Variants in PDZRN3 observed in about 807,000 individuals in gnomAD.
The protein encoded by PDZRN3 is E3 ubiquitin-protein ligase PDZRN3.
Under a neutral mutation model 85.7 loss-of-function variants are expected in PDZRN3, and 38 were observed. The ratio of observed to expected loss-of-function variants is 0.44; its 90% CI spans 0.34 to 0.58. The LOEUF (loss-of-function observed/expected upper bound fraction) is 0.58, where lower values mean the gene tolerates loss of function less well. Among genes scored for constraint, PDZRN3 ranks in the 20% least tolerant of loss-of-function variants. The pLI, the probability that PDZRN3 is intolerant of heterozygous loss-of-function variation, is 0.01. For synonymous variants in PDZRN3, 759 were observed against 638.0 expected (o/e 1.19, Z -2.86); for missense variants, 1,629 against 1,506.4 (o/e 1.08, Z -1.35).
intron 3 of PDZRN3, among the ~76,000 whole-genome samples, chr3:73,560,178 C>T (rs1682644881): frequency 1.3e-5 from 2 of 152,170 alleles, no homozygotes; most frequent in Admixed American, 1.3e-4. Flanking sequence ...TCCCTGAAAA[C>T]CCTCAAGAGA....
intron 3 of PDZRN3, among the ~76,000 whole-genome samples, chr3:73,571,010 T>C (rs184086483): frequency 3.2e-3 from 484 of 152,346 alleles, no homozygotes; most frequent in Non-Finnish European, 4.7e-3. Context: ...ATCACCATCA[T>C]AGCTACCATG....
At chr3:73,393,138 A>G (rs2106698273) in intron 5 of PDZRN3, among the ~76,000 whole-genome samples, 1 of 152,156 alleles carries the variant, frequency 6.6e-6, no homozygotes, top group East Asian at 1.9e-4. Flanking sequence ...GCCCAGTGCT[A>G]CCCCTGCAGG....
At chr3:73,536,005 G>C (rs189551713) in intron 3 of PDZRN3, among the ~76,000 whole-genome samples, 63 of 152,238 alleles carry the variant, frequency 4.1e-4, no homozygotes, top group African/African-American at 1.5e-3. Flanking sequence ...ATTTAGACAG[G>C]TCCCCTTAAC....
intron 3 of PDZRN3, among the ~76,000 whole-genome samples, chr3:73,410,274 G>C (rs1177485582): frequency 2.0e-5 from 3 of 152,130 alleles, no homozygotes. Context: ...GAGAAGGGAA[G>C]GCAACTTATC....
chr3:73,465,386 TG>T (rs1703193212), intron 3 of PDZRN3, among the ~76,000 whole-genome samples: 1 of 152,238 alleles, frequency 6.6e-6, no homozygotes, highest in South Asian at 2.1e-4. Context: ...CTTATATAGA[TG>T]GTGCCAGAGG....
At chr3:73,403,206 G>A (rs772115369) in intron 4 of PDZRN3, among the ~76,000 whole-genome samples, 44 of 152,094 alleles carry the variant, frequency 2.9e-4, no homozygotes, top group Non-Finnish European at 2.9e-5. Context: ...TCGGCCTCCC[G>A]AAGTGCTGGG....
chr3:73,404,562 T>C, intron 3 of PDZRN3, 167 bp from the exon 4 acceptor site: 1 of 648,946 alleles, frequency 1.5e-6, no homozygotes, highest in Non-Finnish European at 2.6e-6. Context: ...GAATGCCTGG[T>C]GGAAAGAGAG....
At chr3:73,568,035 T>C (rs1307945889) in intron 3 of PDZRN3, among the ~76,000 whole-genome samples, 10 of 152,138 alleles carry the variant, frequency 6.6e-5, no homozygotes, top group Non-Finnish European at 1.5e-5. Flanking sequence ...TAACCTCCAA[T>C]AGAGAAATCA....
intron 2 of PDZRN3, among the ~76,000 whole-genome samples, chr3:73,606,792 T>C (rs1702605923): frequency 6.6e-6 from 1 of 152,246 alleles, no homozygotes; most frequent in Admixed American, 6.5e-5. Flanking sequence ...CATAATTAAG[T>C]TGTTGTTTCT....
At chr3:73,610,580 T>G (rs1324644061) in intron 1 of PDZRN3, among the ~76,000 whole-genome samples, 5 of 152,228 alleles carry the variant, frequency 3.3e-5, no homozygotes, top group Non-Finnish European at 5.9e-5. Flanking sequence ...TTTCTTACTT[T>G]GCTATCTTAA....
chr3:73,384,843 C>T lies in PDZRN3; in HGVS notation c.1723G>A (p.Asp575Asn). 4.3e-6 allele frequency: 7 copies of T among 1,614,186 alleles called. No homozygotes were observed. Among genetic ancestry groups the T allele is most frequent in the Non-Finnish European group, 5.9e-6 (7 of 1,180,042 alleles). ...CTCTCGTCATTACGGGTGCTCTCGTCGGTCCGCCCCACACCGCTGTCCTTC... is the reference window on the plus strand; with the variant it reads ...CTCTCGTCATTACGGGTGCTCTCGTTGGTCCGCCCCACACCGCTGTCCTTC... ...HEKDSGVGRT[D>N]ESTRNDESSE... The change falls in exon 10 of 10, where the codon GAC becomes AAC. Residue 575 changes from aspartate to asparagine, a missense_variant. Asp to Asn is a conservative substitution (Grantham distance 23, BLOSUM62 1). Transcript: ENST00000263666.
intron 3 of PDZRN3, among the ~76,000 whole-genome samples, chr3:73,508,966 G>A (rs908432701): frequency 4.6e-5 from 7 of 152,128 alleles, no homozygotes; most frequent in African/African-American, 1.2e-4. Flanking sequence ...GGCCTAAAAC[G>A]TCTCTGCAGC....
intron 3 of PDZRN3, among the ~76,000 whole-genome samples, chr3:73,575,887 T>G (rs1196042902): frequency 1.3e-5 from 2 of 152,168 alleles, no homozygotes; most frequent in Non-Finnish European, 2.9e-5. Flanking sequence ...GTAAGCCTCT[T>G]AACAAATGTA....
intron 3 of PDZRN3, among the ~76,000 whole-genome samples, chr3:73,423,675 G>T (rs895084988): frequency 6.6e-6 from 1 of 152,116 alleles, no homozygotes; most frequent in South Asian, 2.1e-4. Flanking sequence ...GATGAAGAAT[G>T]CTTTATATAT....
Position 73,393,531 on chromosome 3 carries a change from C to T in PDZRN3, c.1255-2415G>A, listed in dbSNP as rs183263562. 5.1e-3 allele frequency among the ~76,000 whole-genome samples: 780 copies of T among 152,200 alleles called. 12 individuals are homozygous for T. Among genetic ancestry groups the T allele is most frequent in the Non-Finnish European group, 5.2e-3 (357 of 68,016 alleles). On this transcript the variant is annotated intron_variant, in intron 5 of 9. Coordinates refer to ENST00000263666, the MANE Select transcript of PDZRN3 (RefSeq NM_015009.3). The stretch of plus-strand genomic sequence containing the variant: ...CCAGTTCAGGTGTTGGTGAACGCGT[C>T]GCAGATGGGGTGAGTTACACAGTCA...
chr3:73,399,182 C>T (rs1159155652), intron 5 of PDZRN3, among the ~76,000 whole-genome samples: 1 of 152,192 alleles, frequency 6.6e-6, no homozygotes, highest in African/African-American at 2.4e-5. Flanking sequence ...ATACCAAAGA[C>T]TACAAAGTCT....
rs867769801 is a variant in PDZRN3 at position 73,466,978 on chromosome 3, A to G, written c.919-62583T>C. 2.0e-5 allele frequency among the ~76,000 whole-genome samples: 3 copies of G among 152,194 alleles called. No homozygotes were observed. In the South Asian group the frequency reaches 6.2e-4, roughly 32 times the overall value. On this transcript the variant is annotated intron_variant, in intron 3 of 9. Transcript: ENST00000263666. The stretch of plus-strand genomic sequence containing the variant: ...GTTTGGGTAGATTCTAAAAAGGGGC[A>G]AAAATGGGTCCCCAGGAATTTATCC...
At chr3:73,620,611 C>G (rs1206156206) in intron 1 of PDZRN3, among the ~76,000 whole-genome samples, 1 of 145,706 alleles carries the variant, frequency 6.9e-6, no homozygotes, top group African/African-American at 2.6e-5. Context: ...GAGTCTTGCT[C>G]TTTCACCCAG....
chr3:73,576,094 A>G (rs1019030101), intron 3 of PDZRN3, among the ~76,000 whole-genome samples: 3 of 149,908 alleles, frequency 2.0e-5, no homozygotes, highest in Non-Finnish European at 4.4e-5. Flanking sequence ...GAAATTACAC[A>G]CATGCATGCA....
Sources: gnomAD v4.1 joint callset for allele counts (sites outside exome capture counted in the v4.1 genomes callset) on GRCh38, gnomAD v4.1.1 for gene constraint, MANE v1.5 for transcripts, NCBI Gene and HGNC (gene_info 2026-07-23, HGNC 2026-07-21) for gene names.